Variants in RASAL2 observed in about 807,000 individuals in gnomAD.
RASAL2 encodes the protein ras GTPase-activating protein nGAP.
Under a neutral mutation model 128.9 loss-of-function variants are expected in RASAL2, and 58 were observed. The ratio of observed to expected loss-of-function variants is 0.45; its 90% CI spans 0.36 to 0.56. The LOEUF (loss-of-function observed/expected upper bound fraction) is 0.56. RASAL2 is among the 20% of genes least tolerant of loss of function. The pLI is 0.00. For synonymous variants in RASAL2, 561 were observed against 580.8 expected (o/e 0.97, Z 0.49); for missense variants, 1,360 against 1,601.6 (o/e 0.85, Z 2.57).
chr1:178,137,490 G>A (rs1194357749), intron 1 of RASAL2, among the ~76,000 whole-genome samples: 1 of 152,126 alleles, frequency 6.6e-6, no homozygotes, highest in Non-Finnish European at 1.5e-5. Flanking sequence ...CTGTGCTGAA[G>A]CAGATTTTCT....
At chr1:178,174,775 C>T (rs1163980855) in intron 1 of RASAL2, among the ~76,000 whole-genome samples, 1 of 152,134 alleles carries the variant, frequency 6.6e-6, no homozygotes, top group Admixed American at 6.6e-5. Context: ...CATTTACTTT[C>T]CAAGGACAAT....
At chr1:178,116,822 G>A (rs1659536078) in intron 1 of RASAL2, among the ~76,000 whole-genome samples, 1 of 152,130 alleles carries the variant, frequency 6.6e-6, no homozygotes, top group African/African-American at 2.4e-5. Flanking sequence ...GTGTTAGCCA[G>A]GATGACCTTG....
intron 4 of RASAL2, among the ~76,000 whole-genome samples, chr1:178,396,584 G>A (rs546709216): frequency 6.6e-6 from 1 of 152,204 alleles, no homozygotes; most frequent in South Asian, 2.1e-4. Flanking sequence ...CTTCTCAGCT[G>A]TACTTATACT....
At position 178,212,555 on chromosome 1, in the gene RASAL2, G is replaced by C. The variant is rs145903628; in HGVS notation, c.203-71009G>C. On this transcript the variant is annotated intron_variant, in intron 1 of 17. Transcript: ENST00000367649. Reference sequence around the variant, plus strand: ...CGCTCAGGCTGGAGTGCAGTGGCATGATCTCGGCTCACTGCAACGTCCGCC... The same window carrying C: ...CGCTCAGGCTGGAGTGCAGTGGCATCATCTCGGCTCACTGCAACGTCCGCC... Among the ~76,000 whole-genome samples, 1,371 of 152,216 alleles carry C rather than the reference G, an allele frequency of 9.0e-3. 22 individuals are homozygous for C. Among genetic ancestry groups the C allele is most frequent in the African/African-American group, 0.031 (1,289 of 41,536 alleles).
intron 1 of RASAL2, among the ~76,000 whole-genome samples, chr1:178,260,416 G>A (rs1386251944): frequency 5.1e-5 from 4 of 78,680 alleles, no homozygotes; most frequent in East Asian, 4.5e-4. Flanking sequence ...ATATATATAT[G>A]ATAATAATTT....
chr1:178,270,207 T>G (rs1257740714), intron 1 of RASAL2, among the ~76,000 whole-genome samples: 2 of 152,198 alleles, frequency 1.3e-5, no homozygotes, highest in Non-Finnish European at 2.9e-5. Context: ...GGTGGTCATC[T>G]GTTTTTATCA....
chr1:178,342,685 G>A (rs868030824), intron 3 of RASAL2, among the ~76,000 whole-genome samples: 33 of 152,238 alleles, frequency 2.2e-4, no homozygotes, highest in African/African-American at 7.0e-4. Context: ...ACTTTTTTCT[G>A]TATGCAAATA....
intron 1 of RASAL2, among the ~76,000 whole-genome samples, chr1:178,233,297 C>T (rs949076538): frequency 2.6e-5 from 4 of 152,200 alleles, no homozygotes; most frequent in African/African-American, 9.6e-5. Flanking sequence ...GGAAGATGAG[C>T]ATCTTTAAGA....
intron 1 of RASAL2, among the ~76,000 whole-genome samples, chr1:178,106,954 A>G (rs1659110347): frequency 6.6e-6 from 1 of 152,232 alleles, no homozygotes; most frequent in South Asian, 2.1e-4. Flanking sequence ...CTTAACTAGC[A>G]TAATAAATTT....
At chr1:178,198,211 A>G (rs987809748) in intron 1 of RASAL2, among the ~76,000 whole-genome samples, 2 of 152,194 alleles carry the variant, frequency 1.3e-5, no homozygotes, top group South Asian at 2.1e-4. Context: ...TTGGGTATAT[A>G]TATACCCAGT....
At chr1:178,135,949 C>T (rs1206785151) in intron 1 of RASAL2, among the ~76,000 whole-genome samples, 1 of 152,106 alleles carries the variant, frequency 6.6e-6, no homozygotes, top group African/African-American at 2.4e-5. Context: ...AGGTCCCTCC[C>T]ACAACATGTG....
At chr1:178,365,429 CTGTTATGTTA>C (rs71567192) in intron 3 of RASAL2, among the ~76,000 whole-genome samples, 17,374 of 141,502 alleles carry the variant, frequency 0.12, 1,096 homozygotes, top group Middle Eastern at 0.13. Flanking sequence ...CTCTAGTTGC[CTGTTATGTTA>C]TGTTATGTTA....
rs191783616 is a variant in RASAL2 at position 178,289,132 on chromosome 1, G to A, written c.330+5441G>A. On this transcript the variant is annotated intron_variant, in intron 2 of 17. Transcript: ENST00000367649. ...TCTTACCCACATCACTGCCAGAATT[G>A]TGCTTGTTAAGCTCACTAGTGACCT... 3.3e-5 allele frequency among the ~76,000 whole-genome samples: 5 copies of A among 152,122 alleles called. No homozygotes were observed. In the East Asian group the frequency reaches 9.7e-4, roughly 29 times the overall value.
chr1:178,392,790 C>CAGTG (rs1672990376), intron 4 of RASAL2, among the ~76,000 whole-genome samples: 1 of 152,038 alleles, frequency 6.6e-6, no homozygotes, highest in Admixed American at 6.6e-5. Flanking sequence ...AAGGAGAAGC[C>CAGTG]AGTGGGTAAG....
At position 178,143,516 on chromosome 1, in the gene RASAL2, T is replaced by G. The variant is rs558379636; in HGVS notation, c.202+48822T>G. On this transcript the variant is annotated intron_variant, in intron 1 of 17. Transcript: ENST00000367649. ...ATCTATATGAATTTATATGGAAAGA[T>G]TCCCAAGATACTTTAGGGGACTAAA... is the stretch of plus-strand genomic sequence containing the variant. Among the ~76,000 whole-genome samples the G allele has an allele frequency of 5.9e-5, 9 of 152,184 alleles. No homozygotes were observed. In the East Asian group the frequency reaches 1.5e-3, roughly 26 times the overall value.
chr1:178,164,241 A>G (rs1571569449), intron 1 of RASAL2, among the ~76,000 whole-genome samples: 3 of 152,258 alleles, frequency 2.0e-5, no homozygotes, highest in Non-Finnish European at 4.4e-5. Flanking sequence ...ATTGACATCA[A>G]TTTTTATTTC....
chr1:178,430,907 T>TAGACAC (rs1220295465), intron 5 of RASAL2, among the ~76,000 whole-genome samples: 6 of 133,978 alleles, frequency 4.5e-5, no homozygotes, highest in African/African-American at 1.6e-4. Flanking sequence ...GGCAAAAAAG[T>TAGACAC]ACACACACAC....
At chr1:178,457,538 C>A in intron 13 of RASAL2, 145 bp from the exon 14 acceptor site, 2 of 847,804 alleles carry the variant, frequency 2.4e-6, no homozygotes, top group Non-Finnish European at 3.6e-6. Context: ...TGTAATAATT[C>A]CCTAATTAGA....
chr1:178,261,784 G>A (rs904832013), intron 1 of RASAL2, among the ~76,000 whole-genome samples: 5 of 152,006 alleles, frequency 3.3e-5, no homozygotes, highest in Admixed American at 2.6e-4. Context: ...TGGTGTGGTG[G>A]TGGGCGCCTG....
Sources: allele counts gnomAD v4.1 joint callset (sites outside exome capture counted in the v4.1 genomes callset), GRCh38; gene constraint gnomAD v4.1.1; transcripts MANE v1.5; gene names NCBI Gene and HGNC (gene_info 2026-07-23, HGNC 2026-07-21).